OTOGL: variants seen among roughly 807,000 people sequenced by gnomAD.
The protein encoded by OTOGL is otogelin-like protein.
A neutral mutation model predicts 318.5 loss-of-function variants in OTOGL; 285 were observed. That is an observed-to-expected ratio of 0.89 (90% CI 0.81 to 0.99). OTOGL has a LOEUF of 0.99. OTOGL is among the 50% of genes least tolerant of loss of function. The probability of loss-of-function intolerance (pLI) is 0.00; values close to 1 mark genes in which losing one functional copy is unlikely to be tolerated. For synonymous variants in OTOGL, 987 were observed against 936.5 expected (o/e 1.05, Z -0.99); for missense variants, 2,899 against 2,845.6 (o/e 1.02, Z -0.43).
chr12:80,125,215 A>G (rs1870747348), intron 1 of OTOGL, among the ~76,000 whole-genome samples: 1 of 152,204 alleles, frequency 6.6e-6, no homozygotes, highest in Admixed American at 6.5e-5. Flanking sequence ...ATGTCCCATC[A>G]ATACCTAATT....
chr12:80,102,370 G>C (rs1252533717), intron 1 of OTOGL, among the ~76,000 whole-genome samples: 1 of 152,134 alleles, frequency 6.6e-6, no homozygotes, highest in East Asian at 1.9e-4. Flanking sequence ...CTCAATGGTA[G>C]ACCTTTTCAT....
chr12:80,340,936 GTT>G (rs370802593), intron 43 of OTOGL, among the ~76,000 whole-genome samples: 1 of 139,100 alleles, frequency 7.2e-6, no homozygotes, highest in Non-Finnish European at 1.5e-5. Context: ...GTCCACTTAG[GTT>G]TTTTTTTTTT....
rs536538111 is a variant in OTOGL at position 80,336,990 on chromosome 12, C to G, written c.4846C>G (p.Arg1616Gly). Residue 1616 changes from arginine (R) to glycine (G), a missense_variant, in exon 42 of 59, where the codon CGG becomes GGG. Transcript: ENST00000547103. ...TTPIHKIIVN[R>G]LARKVEVDSI... Reference sequence around the variant, plus strand: ...ACCCATACATAAAATAATTGTCAATCGGTTGGCAAGAAAGGTAAGAATACA... The same window carrying G: ...ACCCATACATAAAATAATTGTCAATGGGTTGGCAAGAAAGGTAAGAATACA... 1 of 1,580,034 alleles carries G rather than the reference C, an allele frequency of 6.3e-7. No individual in the cohort carries two copies. Among genetic ancestry groups the G allele is most frequent in the Admixed American group, 1.8e-5 (1 of 56,160 alleles).
At position 80,187,265 on chromosome 12, in the gene OTOGL, G is replaced by T. The variant is rs867504618; in HGVS notation, c.-19-22148G>T. Among the ~76,000 whole-genome samples, 1,302 of 142,964 alleles carry T rather than the reference G, an allele frequency of 9.1e-3. 23 individuals carry two copies. Among genetic ancestry groups the T allele is most frequent in the African/African-American group, 0.032 (1,242 of 39,260 alleles). 93.8% of individuals were successfully genotyped at this position (142,964 alleles called of 152,430 possible). ...TTAGGCAAGTGGCCAGGTTGTTTTTGTTTTTTTTTTTTATACCGATACTTA... is the reference window on the plus strand; with the variant it reads ...TTAGGCAAGTGGCCAGGTTGTTTTTTTTTTTTTTTTTTATACCGATACTTA... On this transcript the variant is annotated intron_variant, in intron 1 of 58. Coordinates refer to ENST00000547103, the MANE Select transcript of OTOGL (RefSeq NM_001378609.3).
chr12:80,161,233 T>TA (rs1873495955), intron 1 of OTOGL, among the ~76,000 whole-genome samples: 1 of 149,334 alleles, frequency 6.7e-6, no homozygotes, highest in African/African-American at 2.5e-5. Flanking sequence ...CCTGTGGAAA[T>TA]AAAAAAATTT....
Position 80,283,153 on chromosome 12 carries a change from T to C in OTOGL, c.2928+3987T>C, listed in dbSNP as rs1408800864. Among the ~76,000 whole-genome samples, 9 of 146,308 alleles carry C rather than the reference T, an allele frequency of 6.2e-5. 1 individual carries two copies. The highest frequency in any genetic ancestry group is 3.4e-4 in the Admixed American group (5 of 14,702). Reference sequence around the variant, plus strand: ...ATGTGTAGAGCTCTGACACTCAATTTCTTGACTATATTTCTGACTCAAGTT... The same window carrying C: ...ATGTGTAGAGCTCTGACACTCAATTCCTTGACTATATTTCTGACTCAAGTT... On this transcript the variant is annotated intron_variant, in intron 26 of 58. Coordinates refer to ENST00000547103, the MANE Select transcript of OTOGL (RefSeq NM_001378609.3).
intron 29 of OTOGL, among the ~76,000 whole-genome samples, chr12:80,307,033 C>T (rs1886170825): frequency 1.3e-5 from 2 of 149,110 alleles, no homozygotes; most frequent in African/African-American, 5.2e-5. Context: ...TGCCTTCAAG[C>T]ATCTGTTTAA....
intron 1 of OTOGL, chr12:80,103,415 A>C: frequency 2.9e-6 from 2 of 688,430 alleles, no homozygotes; most frequent in Admixed American, 2.4e-5. Flanking sequence ...GCATCTTCTC[A>C]CTTGCTGTCC....
chr12:80,115,815 C>A (rs1427875168), intron 1 of OTOGL, among the ~76,000 whole-genome samples: 2 of 152,142 alleles, frequency 1.3e-5, no homozygotes, highest in Non-Finnish European at 2.9e-5. Context: ...TGGGCTCTGC[C>A]CAGTTTGAAC....
chr12:80,249,730 A>G (rs1455696063), intron 11 of OTOGL, among the ~76,000 whole-genome samples: 1 of 152,136 alleles, frequency 6.6e-6, no homozygotes, highest in Non-Finnish European at 1.5e-5. Context: ...TTACCTAAGG[A>G]AGCCTGGGCG....
intron 1 of OTOGL, 144 bp from the exon 2 acceptor site, chr12:80,209,269 T>C: frequency 2.2e-6 from 1 of 458,328 alleles, no homozygotes; most frequent in Non-Finnish European, 3.8e-6. Flanking sequence ...AAGCTTCAGA[T>C]GCTGTATGTA....
chr12:80,249,485 G>A (rs976335894), intron 11 of OTOGL, among the ~76,000 whole-genome samples: 1 of 151,536 alleles, frequency 6.6e-6, no homozygotes, highest in Non-Finnish European at 1.5e-5. Context: ...TCGGGGGTCA[G>A]GGGTCAGGGA....
At position 80,265,139 on chromosome 12, in the gene OTOGL, T is replaced by A; in HGVS notation, c.2153T>A (p.Leu718His). Reference protein sequence around the residue: ...KCGSSCLCNALAHYAYLCGQH... With the variant: ...KCGSSCLCNAHAHYAYLCGQH... ...GGAAGCTCCTGCCTGTGCAATGCTC[T>A]TGCCCACTATGCCTACCTCTGCGGC... The change falls in exon 20 of 59, where the codon CTT (leucine) becomes CAT (histidine). Residue 718 changes from leucine to histidine, a missense_variant. Around this residue, in one of 3 missense-constraint regions of OTOGL, gnomAD observed 2,607 missense variants for 2,524.9 expected, o/e 1.03. Coordinates refer to ENST00000547103, the MANE Select transcript of OTOGL (RefSeq NM_001378609.3). The A allele has an allele frequency of 5.0e-6, 8 of 1,613,916 alleles. No homozygotes were observed. The highest frequency in any genetic ancestry group is 6.8e-6 in the Non-Finnish European group (8 of 1,179,864).
Position 80,251,862 on chromosome 12 carries a change from C to T in OTOGL, c.1159+63C>T, listed in dbSNP as rs906111536. The T allele has an allele frequency of 2.1e-6, 3 of 1,401,412 alleles. No individual in the cohort carries two copies. The African/African-American group carries it at 4.3e-5, about 20-fold the overall frequency. The allele number at this position is 1,401,412 out of a possible 1,614,324, so 86.8% of individuals were successfully genotyped here. A position where few individuals can be genotyped will look rare whatever the true frequency, so the allele number is the denominator to read the frequency against. ...CCAATTTTGGGTTAAACCTAGAACT[C>T]AAAACTTACTGTACTACTCAATACT... On this transcript the variant is annotated intron_variant, in intron 12 of 58. Coordinates refer to ENST00000547103, the MANE Select transcript of OTOGL (RefSeq NM_001378609.3).
chr12:80,144,528 GTC>G (rs1163352128), intron 1 of OTOGL, among the ~76,000 whole-genome samples: 3 of 149,338 alleles, frequency 2.0e-5, no homozygotes, highest in Non-Finnish European at 4.4e-5. Flanking sequence ...GTGTGCATGT[GTC>G]TTTATAGCAG....
intron 1 of OTOGL, among the ~76,000 whole-genome samples, chr12:80,167,456 A>T (rs1873898628): frequency 6.6e-6 from 1 of 152,220 alleles, no homozygotes; most frequent in South Asian, 2.1e-4. Flanking sequence ...CAAGACTTGA[A>T]GCAAGGCAAT....
Position 80,356,457 on chromosome 12 carries a change from ACAAAT to A in OTOGL, c.5849_5853del (p.Thr1950LysfsTer20), listed in dbSNP as rs1253611244. 1.2e-6 allele frequency: 2 copies of A among 1,612,440 alleles called. No homozygotes were observed. Among genetic ancestry groups the A allele is most frequent in the South Asian group, 2.2e-5 (2 of 90,916 alleles). ...GTGTGAAACTAGCATTCCAACATGT[ACAAAT>A]AGTCAAAAATTGATTGTTGGCCACA... On this transcript the variant is annotated frameshift_variant, in exon 48 of 59. Coordinates refer to ENST00000547103, the MANE Select transcript of OTOGL (RefSeq NM_001378609.3). LOFTEE classifies it high-confidence loss of function.
intron 1 of OTOGL, among the ~76,000 whole-genome samples, chr12:80,184,869 G>T (rs1875178619): frequency 6.6e-6 from 1 of 152,048 alleles, no homozygotes; most frequent in African/African-American, 2.4e-5. Context: ...TTATTTTCTG[G>T]CATCTTATAA....
Position 80,238,975 on chromosome 12 carries a change from T to G in OTOGL, c.942T>G (p.Phe314Leu). The change falls in exon 10 of 59, where the codon TTT (phenylalanine) becomes TTG (leucine). Residue 314 changes from phenylalanine to leucine, a missense_variant. Phe to Leu is a conservative substitution (Grantham distance 22, BLOSUM62 0). Transcript: ENST00000547103. Reference sequence around the variant, plus strand: ...CGTGCTCCAGTGGAATGCCAGCATTTGAGGTAAATTTGATGTGAGAAATGT... The same window carrying G: ...CGTGCTCCAGTGGAATGCCAGCATTGGAGGTAAATTTGATGTGAGAAATGT... ...PNPCSSGMPAFEAIFFKCQIL... is the reference protein window; with the variant it reads ...PNPCSSGMPALEAIFFKCQIL... 6.3e-7 allele frequency: 1 copy of G among 1,595,950 alleles called. No homozygotes were observed. The highest frequency in any genetic ancestry group is 8.5e-7 in the Non-Finnish European group (1 of 1,178,632).
Sources: gnomAD v4.1 joint callset for allele counts (sites outside exome capture counted in the v4.1 genomes callset) on GRCh38, gnomAD v4.1.1 for gene constraint, gnomAD v4.1.1 regional missense constraint, MANE v1.5 for transcripts, NCBI Gene and HGNC (gene_info 2026-07-23, HGNC 2026-07-21) for gene names.